ITGA7: variants seen among roughly 807,000 people sequenced by gnomAD.
ITGA7 encodes the protein integrin alpha-7.
A neutral mutation model predicts 131.6 loss-of-function variants in ITGA7; 84 were observed. The observed-to-expected ratio is 0.64, with a 90% CI of 0.54 to 0.77. The LOEUF (loss-of-function observed/expected upper bound fraction) is 0.77, where lower values mean the gene tolerates loss of function less well. Among genes scored for constraint, ITGA7 ranks in the 30% least tolerant of loss-of-function variants. The pLI is 0.00. For synonymous variants in ITGA7, 548 were observed against 600.7 expected (o/e 0.91, Z 1.28); for missense variants, 1,399 against 1,482.9 (o/e 0.94, Z 0.93).
chr12:55,693,397 T>C (rs1871922978), intron 19 of ITGA7, 80 bp from the exon 20 acceptor site: 1 of 1,274,812 alleles, frequency 7.8e-7, no homozygotes, highest in Non-Finnish European at 1.1e-6. Context: ...AGAGACAGGA[T>C]CTATGTTGCC....
At chr12:55,712,000 G>A (rs2136121267), upstream of ITGA7, 17 of 1,321,780 alleles carry the variant, frequency 1.3e-5, no homozygotes, top group Non-Finnish European at 1.7e-5. Context: ...TGGAGCTTAT[G>A]TCCCAAGGTC....
At position 55,688,242 on chromosome 12, in the gene ITGA7, G is replaced by A. The variant is rs1450412519; in HGVS notation, c.3017C>T (p.Ser1006Phe). 6.2e-7 allele frequency: 1 copy of A among 1,614,088 alleles called. No homozygotes were observed. Among genetic ancestry groups the A allele is most frequent in the South Asian group, 1.1e-5 (1 of 91,080 alleles). Residue 1006 changes from serine (S) to phenylalanine (F), a missense_variant, in exon 23 of 25, where the codon TCC becomes TTC. By Grantham distance (155) the Ser-to-Phe change is radical. Transcript: ENST00000257879. ...TCGGAGCATCAAGTTCTTTATGGAGGACTTCACTGTGATGTTGGCCCGGAC... is the reference window on the plus strand; with the variant it reads ...TCGGAGCATCAAGTTCTTTATGGAGAACTTCACTGTGATGTTGGCCCGGAC... ...VIVRANITVK[S>F]SIKNLMLRDA...
chr12:55,714,109 G>A (rs1479041230), upstream of ITGA7, among the ~76,000 whole-genome samples: 1 of 152,200 alleles, frequency 6.6e-6, no homozygotes, highest in Non-Finnish European at 1.5e-5. Flanking sequence ...AGGCACGGTG[G>A]CTCACACCTG....
rs754520530 is a variant in ITGA7 at position 55,697,283 on chromosome 12, G to C, written c.1506-6C>G. ...AACAGACCCTTAGGTCCACACTGCGGGGGCAAAGGTGGCTCCTGAGCCAAA... is the reference window on the plus strand; with the variant it reads ...AACAGACCCTTAGGTCCACACTGCGCGGGCAAAGGTGGCTCCTGAGCCAAA... On this transcript the variant is annotated splice_region_variant and splice_polypyrimidine_tract_variant and intron_variant, in intron 10 of 24. Coordinates refer to ENST00000257879, the MANE Select transcript of ITGA7 (RefSeq NM_002206.3). The C allele has an allele frequency of 1.3e-6, 2 of 1,591,606 alleles. No individual in the cohort carries two copies. The highest frequency in any genetic ancestry group is 3.6e-5 in the Admixed American group (2 of 55,478).
At chr12:55,700,021 G>A in intron 4 of ITGA7, 32 bp from the exon 5 acceptor site, 1 of 1,612,990 alleles carries the variant, frequency 6.2e-7, no homozygotes, top group Non-Finnish European at 8.5e-7. Context: ...ACCAGGGAGG[G>A]GACATCCAGA....
At chr12:55,702,816 A>AACACACACAC in intron 3 of ITGA7, 56 bp downstream of exon 3, 1 of 1,350,838 alleles carries the variant, frequency 7.4e-7, no homozygotes, top group Non-Finnish European at 1.0e-6. Context: ...ACACACCATA[A>AACACACACAC]ACACACACAC....
chr12:55,710,117 T>G (rs1321215582), upstream of ITGA7, among the ~76,000 whole-genome samples: 1 of 152,062 alleles, frequency 6.6e-6, no homozygotes, highest in Non-Finnish European at 1.5e-5. Flanking sequence ...TCCCAGCACT[T>G]TGGGAGGCCG....
chr12:55,693,085 T>C, intron 20 of ITGA7, 56 bp downstream of exon 20: 1 of 1,610,630 alleles, frequency 6.2e-7, no homozygotes, highest in Non-Finnish European at 8.5e-7. Context: ...CTCACTACCC[T>C]TACTCCCCAT....
Position 55,697,011 on chromosome 12 carries a change from C to A in ITGA7, c.1625G>T (p.Arg542Leu). 2 of 1,614,068 alleles carry A rather than the reference C, an allele frequency of 1.2e-6. No individual in the cohort carries two copies. Among genetic ancestry groups the A allele is most frequent in the Non-Finnish European group, 1.7e-6 (2 of 1,180,002 alleles). The change falls in exon 12 of 25, where the codon CGT becomes CTT. Residue 542 changes from arginine to leucine, a missense_variant. By Grantham distance (102) the Arg-to-Leu change is moderately radical (BLOSUM62 -2). Coordinates refer to ENST00000257879, the MANE Select transcript of ITGA7 (RefSeq NM_002206.3). ...CAGGTTACGGCTCAGGAACGTCACA[C>A]GGGGAACCTGGCCCCGGAGCCTCCG... ...TDRRLRGQVPRVTFLSRNLEE... is the reference protein window; with the variant it reads ...TDRRLRGQVPLVTFLSRNLEE...
intron 21 of ITGA7, among the ~76,000 whole-genome samples, chr12:55,690,975 G>A (rs912027935): frequency 3.0e-4 from 46 of 151,612 alleles, no homozygotes; most frequent in African/African-American, 1.1e-3. Flanking sequence ...GTTGTGGGGT[G>A]GGGGCAGTGG....
chr12:55,710,444 T>A (rs1019909232), upstream of ITGA7, among the ~76,000 whole-genome samples: 1 of 151,722 alleles, frequency 6.6e-6, no homozygotes, highest in Admixed American at 6.6e-5. Flanking sequence ...AGAGAACTTC[T>A]TGTATTTCAG....
In ITGA7 at chr12:55,693,913, C is replaced by T. The variant is rs115690573; in HGVS notation, c.2535+108G>A. ...TATGCAGGACAGAGGCCTCAAACTG[C>T]ATGCTGCCACATGGTAGAAGAGCCC... On this transcript the variant is annotated intron_variant, in intron 19 of 24. Coordinates refer to ENST00000257879, the MANE Select transcript of ITGA7 (RefSeq NM_002206.3). The T allele has an allele frequency of 6.2e-5, 55 of 889,182 alleles. No individual in the cohort carries two copies. The African/African-American group carries it at 8.6e-4, about 14-fold the overall frequency. The allele number at this position is 889,182 out of a possible 1,614,324, so 55.1% of individuals were successfully genotyped here. A position where few individuals can be genotyped will look rare whatever the true frequency, so the allele number is the denominator to read the frequency against.
intron 1 of ITGA7, among the ~76,000 whole-genome samples, chr12:55,706,684 T>A (rs1875261584): frequency 6.6e-6 from 1 of 151,938 alleles, no homozygotes; most frequent in Admixed American, 6.5e-5. Context: ...TTAGAAAAAA[T>A]TAGAATTGTC....
At chr12:55,686,132 G>A in intron 24 of ITGA7, 3 of 855,118 alleles carry the variant, frequency 3.5e-6, no homozygotes, top group Non-Finnish European at 5.0e-6. Context: ...CTGAATGCTG[G>A]GAATTCTCCT....
At position 55,694,534 on chromosome 12, in the gene ITGA7, G is replaced by A. The variant is rs1872197818; in HGVS notation, c.2278-12C>T. The A allele has an allele frequency of 3.7e-6, 6 of 1,613,956 alleles. No homozygotes were observed. The African/African-American group carries it at 6.7e-5, about 18-fold the overall frequency. On this transcript the variant is annotated splice_polypyrimidine_tract_variant and intron_variant, in intron 16 of 24. Transcript: ENST00000257879. The surrounding 1 kb of genome is among the most constrained non-coding windows in gnomAD (Gnocchi z 5.3). ...AGGTAGAAGGTGACCTAGGCCAAGGGTGGAAAGAGATTAGAGTCAGGGGTG... is the reference window on the plus strand; with the variant it reads ...AGGTAGAAGGTGACCTAGGCCAAGGATGGAAAGAGATTAGAGTCAGGGGTG...
chr12:55,707,427 G>A (rs770236309), intron 1 of ITGA7, 50 bp downstream of exon 1: 4 of 1,458,236 alleles, frequency 2.7e-6, no homozygotes, highest in South Asian at 1.1e-5. Flanking sequence ...TGGGGAGGGG[G>A]ACGATCTGTG....
upstream of ITGA7, among the ~76,000 whole-genome samples, chr12:55,713,036 C>G (rs1876247703): frequency 6.6e-6 from 1 of 150,410 alleles, no homozygotes; most frequent in Non-Finnish European, 1.5e-5. Context: ...CCCCCCAACA[C>G]TAACCCCCAT....
At position 55,707,749 on chromosome 12, in the gene ITGA7, C is replaced by A; in HGVS notation, c.-67G>T. 1 of 1,548,538 alleles carries A rather than the reference C, an allele frequency of 6.5e-7. No individual in the cohort carries two copies. The highest frequency in any genetic ancestry group is 8.7e-7 in the Non-Finnish European group (1 of 1,145,854). ...TCTCGCACGCCCCAAGCCCCAGGTC[C>A]CCCCAGGCGCGTCTCTGGTCTCCAA... On this transcript the variant is annotated 5_prime_UTR_variant, in exon 1 of 25. Coordinates refer to ENST00000257879, the MANE Select transcript of ITGA7 (RefSeq NM_002206.3).
chr12:55,708,215 G>T (rs943545297), upstream of ITGA7, among the ~76,000 whole-genome samples: 1 of 152,218 alleles, frequency 6.6e-6, no homozygotes, highest in Non-Finnish European at 1.5e-5. Context: ...GGCTGAAACA[G>T]AGGAAGGAGG....
Sources: gnomAD v4.1 joint callset for allele counts (sites outside exome capture counted in the v4.1 genomes callset) on GRCh38, gnomAD v4.1.1 for gene constraint, Gnocchi (gnomAD v3.1) non-coding constraint, MANE v1.5 for transcripts, NCBI Gene and HGNC (gene_info 2026-07-23, HGNC 2026-07-21) for gene names.